Variants in FOXO3 observed in about 807,000 individuals in gnomAD.
The protein encoded by FOXO3 is forkhead box protein O3.
A neutral mutation model predicts 41.9 loss-of-function variants in FOXO3; 4 were observed. The observed-to-expected ratio is 0.10, with a 90% CI of 0.05 to 0.22. The LOEUF is 0.22. FOXO3 is among the 10% of genes least tolerant of loss of function. FOXO3 has a pLI of 1.00. For synonymous variants in FOXO3, 318 were observed against 389.3 expected (o/e 0.82, Z 2.16); for missense variants, 534 against 906.8 (o/e 0.59, Z 5.28).
At chr6:108,677,782 G>A (rs1324425208) in intron 2 of FOXO3, among the ~76,000 whole-genome samples, 2 of 152,148 alleles carry the variant, frequency 1.3e-5, no homozygotes, top group Non-Finnish European at 2.9e-5. Context: ...GCAAGGTAGA[G>A]TAGTTAGAAT....
chr6:108,638,621 G>T (rs1778176239), intron 1 of FOXO3, among the ~76,000 whole-genome samples: 1 of 152,164 alleles, frequency 6.6e-6, no homozygotes, highest in Non-Finnish European at 1.5e-5. Flanking sequence ...AGAAGTTTGT[G>T]ATTCCCAGCC....
Position 108,649,195 on chromosome 6 carries a change from G to A in FOXO3, c.622-14260G>A, listed in dbSNP as rs1466796660. On this transcript the variant is annotated intron_variant, in intron 1 of 2. Transcript: ENST00000406360. ...GAATCCCACAGGGGTGACATAGATAGGCCCAGGTTGATGGCTGCACATGTA... is the reference window on the plus strand; with the variant it reads ...GAATCCCACAGGGGTGACATAGATAAGCCCAGGTTGATGGCTGCACATGTA... Among the ~76,000 whole-genome samples the A allele has an allele frequency of 3.3e-5, 5 of 152,104 alleles. No homozygotes were observed. In the East Asian group the frequency reaches 9.7e-4, roughly 30 times the overall value.
intron 1 of FOXO3, among the ~76,000 whole-genome samples, chr6:108,651,920 A>T (rs1188393361): frequency 6.6e-6 from 1 of 152,236 alleles, no homozygotes; most frequent in Non-Finnish European, 1.5e-5. Flanking sequence ...GAGCAAGCTC[A>T]TCTTTTCTGG....
At chr6:108,619,244 G>GT (rs1176775574) in intron 1 of FOXO3, among the ~76,000 whole-genome samples, 1 of 152,234 alleles carries the variant, frequency 6.6e-6, no homozygotes, top group African/African-American at 2.4e-5. Flanking sequence ...GAAGCATTCT[G>GT]TTTATGTAAC....
At chr6:108,655,186 G>A (rs1441028852) in intron 1 of FOXO3, among the ~76,000 whole-genome samples, 2 of 152,216 alleles carry the variant, frequency 1.3e-5, no homozygotes, top group Non-Finnish European at 2.9e-5. Flanking sequence ...TCACAGAGCA[G>A]AATGAGGTGA....
At chr6:108,609,710 C>T (rs1777305810) in intron 1 of FOXO3, among the ~76,000 whole-genome samples, 1 of 152,188 alleles carries the variant, frequency 6.6e-6, no homozygotes, top group South Asian at 2.1e-4. Context: ...CTTGTGCCAA[C>T]AAAGCGACCT....
intron 1 of FOXO3, among the ~76,000 whole-genome samples, chr6:108,583,549 CT>C (rs1416983978): frequency 1.5e-4 from 23 of 152,326 alleles, no homozygotes; most frequent in Admixed American, 1.3e-3. Flanking sequence ...TTTCACCAGT[CT>C]TAATGCTGGG....
intron 1 of FOXO3, among the ~76,000 whole-genome samples, chr6:108,660,822 C>T (rs567711771): frequency 3.5e-4 from 53 of 152,190 alleles, no homozygotes; most frequent in African/African-American, 1.2e-3. Context: ...CTGGCTAACA[C>T]GATGTAGAGA....
chr6:108,581,809 C>T (rs563319723), intron 1 of FOXO3, among the ~76,000 whole-genome samples: 2 of 152,190 alleles, frequency 1.3e-5, no homozygotes, highest in African/African-American at 4.8e-5. Flanking sequence ...GGCAAAGGAA[C>T]GAGAGGAAAG....
chr6:108,609,089 G>GT (rs1196212615), intron 1 of FOXO3, among the ~76,000 whole-genome samples: 3 of 152,230 alleles, frequency 2.0e-5, no homozygotes, highest in Non-Finnish European at 4.4e-5. Flanking sequence ...AGGACATGAT[G>GT]TAGAAGAGGT....
At chr6:108,615,525 G>T (rs1020130322) in intron 1 of FOXO3, among the ~76,000 whole-genome samples, 10 of 151,060 alleles carry the variant, frequency 6.6e-5, no homozygotes, top group African/African-American at 1.5e-4. Context: ...TGTATCACTG[G>T]TTTTTATTAT....
intron 1 of FOXO3, among the ~76,000 whole-genome samples, chr6:108,592,057 A>G (rs1040697129): frequency 6.6e-6 from 1 of 152,160 alleles, no homozygotes; most frequent in Admixed American, 6.5e-5. Context: ...TTTCTGTGGA[A>G]TTCTAGAAAA....
At chr6:108,647,596 A>C (rs72944303) in intron 1 of FOXO3, among the ~76,000 whole-genome samples, 3,298 of 152,330 alleles carry the variant, frequency 0.022, 54 homozygotes, top group South Asian at 0.051. Context: ...GATAATTATC[A>C]AAGAGCACAT....
intron 1 of FOXO3, among the ~76,000 whole-genome samples, chr6:108,636,129 A>T (rs1325691863): frequency 6.6e-6 from 1 of 152,196 alleles, no homozygotes; most frequent in East Asian, 1.9e-4. Context: ...CTGAAATGTG[A>T]CTAGCACCTC....
At chr6:108,590,249 G>T (rs1200763908) in intron 1 of FOXO3, among the ~76,000 whole-genome samples, 1 of 151,608 alleles carries the variant, frequency 6.6e-6, no homozygotes, top group African/African-American at 2.4e-5. Flanking sequence ...TCAGCCTCCT[G>T]AGTAGTTGGA....
intron 2 of FOXO3, among the ~76,000 whole-genome samples, chr6:108,671,578 A>G (rs1032681405): frequency 1.3e-5 from 2 of 152,226 alleles, no homozygotes; most frequent in Admixed American, 1.3e-4. Context: ...TCCTAGAAGG[A>G]CTACCTCTGA....
intron 1 of FOXO3, among the ~76,000 whole-genome samples, chr6:108,601,990 AT>A (rs1777067619): frequency 6.6e-6 from 1 of 152,128 alleles, no homozygotes. Flanking sequence ...GTAAATTTTC[AT>A]TTTTCTGGGA....
At chr6:108,601,237 C>T (rs1777045701) in intron 1 of FOXO3, among the ~76,000 whole-genome samples, 1 of 151,652 alleles carries the variant, frequency 6.6e-6, no homozygotes, top group Non-Finnish European at 1.5e-5. Flanking sequence ...TGGTCTCGAT[C>T]TCCTGACCTT....
rs912635863 is a variant in FOXO3 at position 108,560,942 on chromosome 6, G to A, written c.-267G>A. ...GGTGTCTGCTGCGCCAGGTTCGCTG[G>A]CCGCACGTCTTCAGGTCCTCCTGTT... is the stretch of plus-strand genomic sequence containing the variant. On this transcript the variant is annotated 5_prime_UTR_variant, in exon 1 of 3. Transcript: ENST00000406360. The A allele has an allele frequency of 3.1e-6, 4 of 1,299,098 alleles. No individual in the cohort carries two copies. The highest frequency in any genetic ancestry group is 1.6e-5 in the African/African-American group (1 of 64,250). 80.5% of individuals were successfully genotyped at this position (1,299,098 alleles called of 1,614,324 possible). A position where few individuals can be genotyped will look rare whatever the true frequency, so the allele number is the denominator to read the frequency against.
Sources: allele counts gnomAD v4.1 joint callset (sites outside exome capture counted in the v4.1 genomes callset), GRCh38; gene constraint gnomAD v4.1.1; transcripts MANE v1.5; gene names NCBI Gene and HGNC (gene_info 2026-07-23, HGNC 2026-07-21).